PTPRD: variants seen among roughly 807,000 people sequenced by gnomAD.
PTPRD encodes the protein receptor-type tyrosine-protein phosphatase delta.
In PTPRD, 34 loss-of-function variants were observed where a neutral mutation model predicts 214.5. The ratio of observed to expected loss-of-function variants is 0.16; its 90% confidence interval spans 0.12 to 0.21. The LOEUF (loss-of-function observed/expected upper bound fraction) is 0.21, where lower values mean the gene tolerates loss of function less well. Ranked by LOEUF, PTPRD falls within the 10% of genes least tolerant of loss-of-function variation. The pLI is 1.00. For synonymous variants in PTPRD, 1,128 were observed against 845.7 expected, an observed-to-expected ratio of 1.33 and a Z score of -5.79; for missense variants, 2,545 against 2,398.7, an observed-to-expected ratio of 1.06 and a Z score of -1.27.
intron 4 of PTPRD, among the ~76,000 whole-genome samples, chr9:10,007,126 T>A (rs79524082): frequency 6.6e-6 from 1 of 151,982 alleles, no homozygotes; most frequent in Non-Finnish European, 1.5e-5. Flanking sequence ...AGAGTTTAAC[T>A]TATTTAAGGA....
rs772744273 is a variant in PTPRD, at chr9:9,924,488, C to A, written c.-368+14019G>T. 3.9e-5 allele frequency among the ~76,000 whole-genome samples: 6 copies of A among 152,000 alleles called. No individual in the cohort carries two copies. The East Asian group carries it at 7.7e-4, about 20-fold the overall frequency. On this transcript the variant is annotated intron_variant, in intron 5 of 45. Transcript: ENST00000381196. Reference sequence around the variant, plus strand: ...ATAAAAGCAAATTTTAAAGTTATAACAACTCATGTTGCTACAAAAGCCCTA... The same window carrying A: ...ATAAAAGCAAATTTTAAAGTTATAAAAACTCATGTTGCTACAAAAGCCCTA...
chr9:9,475,726 A>G (rs564136518), intron 8 of PTPRD, among the ~76,000 whole-genome samples: 3 of 152,328 alleles, frequency 2.0e-5, no homozygotes, highest in Non-Finnish European at 2.9e-5. Flanking sequence ...TCATTAGACT[A>G]TCTGCATGTT....
In PTPRD at chr9:9,003,342, T is replaced by C. The variant is rs943952817; in HGVS notation, c.-104+15355A>G. Among the ~76,000 whole-genome samples, 4 of 152,020 alleles carry C rather than the reference T, an allele frequency of 2.6e-5. No individual in the cohort carries two copies. The East Asian group carries it at 5.8e-4, about 22-fold the overall frequency. On this transcript the variant is annotated intron_variant, in intron 11 of 45. Transcript: ENST00000381196. Reference sequence around the variant, plus strand: ...AACGCTCTGAATACTCTAGGCAGTCTGGCTGTTGCATCTGAGCCTGTCCTT... The same window carrying C: ...AACGCTCTGAATACTCTAGGCAGTCCGGCTGTTGCATCTGAGCCTGTCCTT...
intron 4 of PTPRD, among the ~76,000 whole-genome samples, chr9:10,011,879 G>A (rs1247826685): frequency 6.6e-6 from 1 of 151,926 alleles, no homozygotes; most frequent in Non-Finnish European, 1.5e-5. Flanking sequence ...TGGAGGTAAG[G>A]ATGCAGAGAC....
At chr9:8,695,528 T>A (rs572575283) in intron 12 of PTPRD, among the ~76,000 whole-genome samples, 1 of 152,178 alleles carries the variant, frequency 6.6e-6, no homozygotes, top group Non-Finnish European at 1.5e-5. Flanking sequence ...TCTGTTTATA[T>A]GCCCAGACAC....
At chr9:10,246,894 C>G (rs569889078) in intron 3 of PTPRD, among the ~76,000 whole-genome samples, 1 of 150,252 alleles carries the variant, frequency 6.7e-6, no homozygotes, top group South Asian at 2.1e-4. Flanking sequence ...AACTCTGTCT[C>G]AATAAATAAA....
intron 4 of PTPRD, among the ~76,000 whole-genome samples, chr9:10,024,976 A>T (rs1358053313): frequency 2.0e-5 from 3 of 151,590 alleles, no homozygotes; most frequent in East Asian, 3.9e-4. Flanking sequence ...TTTTTTATGG[A>T]TGCATAGTAT....
chr9:10,002,509 C>G (rs2096350600), intron 4 of PTPRD, among the ~76,000 whole-genome samples: 1 of 150,610 alleles, frequency 6.6e-6, no homozygotes, highest in South Asian at 2.1e-4. Context: ...GTCATGAAAA[C>G]TGTTACCAAA....
intron 2 of PTPRD, among the ~76,000 whole-genome samples, chr9:10,368,201 T>G (rs1042983659): frequency 5.9e-5 from 9 of 152,132 alleles, no homozygotes; most frequent in Non-Finnish European, 8.8e-5. Flanking sequence ...CTTTATATGT[T>G]GTTTTCAGTA....
rs117586322 is a variant in PTPRD at position 10,333,817 on chromosome 9, T to C, written c.-545+7146A>G. The stretch of plus-strand genomic sequence containing the variant: ...TTGTCTACCTAGGTCTCTAGGATTG[T>C]TGTGGAATTAGCTCCTGCATCTATG... On this transcript the variant is annotated intron_variant, in intron 3 of 45. Coordinates refer to ENST00000381196, the MANE Select transcript of PTPRD (RefSeq NM_002839.4). Among the ~76,000 whole-genome samples, 164 of 151,924 alleles carry C rather than the reference T, an allele frequency of 1.1e-3. 6 individuals carry two copies. The East Asian group carries it at 0.031, about 28-fold the overall frequency.
chr9:9,243,795 T>A (rs1200849097), intron 9 of PTPRD, among the ~76,000 whole-genome samples: 1 of 152,154 alleles, frequency 6.6e-6, no homozygotes, highest in Non-Finnish European at 1.5e-5. Context: ...GCCAGGGCTA[T>A]CAGGCAGGAG....
intron 11 of PTPRD, among the ~76,000 whole-genome samples, chr9:8,885,258 T>G (rs1025141086): frequency 9.2e-5 from 14 of 152,246 alleles, no homozygotes; most frequent in Admixed American, 2.0e-4. Context: ...ACCCTCATTT[T>G]ATAGATGAGG....
At chr9:9,764,876 G>T (rs1417534443) in intron 6 of PTPRD, among the ~76,000 whole-genome samples, 1 of 152,126 alleles carries the variant, frequency 6.6e-6, no homozygotes, top group East Asian at 1.9e-4. Flanking sequence ...TTCATTACCA[G>T]AAATATCATT....
intron 4 of PTPRD, among the ~76,000 whole-genome samples, chr9:9,985,578 A>G (rs1435982902): frequency 6.6e-6 from 1 of 152,178 alleles, no homozygotes; most frequent in Non-Finnish European, 1.5e-5. Flanking sequence ...AGACTTATTC[A>G]TAATCCAAAC....
chr9:9,441,674 C>G (rs1047724272), intron 8 of PTPRD, among the ~76,000 whole-genome samples: 4 of 151,986 alleles, frequency 2.6e-5, no homozygotes, highest in Admixed American at 6.6e-5. Context: ...AATGAGGCCA[C>G]TTTAGAATAA....
At chr9:9,024,162 A>G (rs959984475) in intron 10 of PTPRD, among the ~76,000 whole-genome samples, 29 of 151,810 alleles carry the variant, frequency 1.9e-4, no homozygotes, top group Admixed American at 6.6e-5. Flanking sequence ...TATATATTTT[A>G]TAAGTTCATT....
chr9:9,510,018 C>T (rs886270170), intron 8 of PTPRD, among the ~76,000 whole-genome samples: 15 of 151,584 alleles, frequency 9.9e-5, no homozygotes, highest in Non-Finnish European at 1.9e-4. Context: ...TTCTCCTTGT[C>T]TTTCCTGCTC....
intron 3 of PTPRD, among the ~76,000 whole-genome samples, chr9:10,328,534 A>G (rs2096688896): frequency 1.3e-5 from 2 of 151,870 alleles, no homozygotes; most frequent in Non-Finnish European, 2.9e-5. Flanking sequence ...AAACACATGG[A>G]GAAACAAAGT....
At chr9:9,856,206 C>G (rs2061525262) in intron 5 of PTPRD, among the ~76,000 whole-genome samples, 1 of 152,106 alleles carries the variant, frequency 6.6e-6, no homozygotes. Flanking sequence ...TGACATCCAG[C>G]TGTAGTCCCT....
Sources: gnomAD v4.1 joint callset for allele counts (sites outside exome capture counted in the v4.1 genomes callset) on GRCh38, gnomAD v4.1.1 for gene constraint, MANE v1.5 for transcripts, NCBI Gene and HGNC (gene_info 2026-07-23, HGNC 2026-07-21) for gene names.